CRACR2A: variants seen among roughly 807,000 people sequenced by gnomAD.
The protein encoded by CRACR2A is EF-hand calcium-binding domain-containing protein 4B.
In CRACR2A, 79 loss-of-function variants were observed where a neutral mutation model predicts 90.5. The observed-to-expected ratio is 0.87, with a 90% confidence interval of 0.73 to 1.05. The LOEUF (loss-of-function observed/expected upper bound fraction) is 1.05, where lower values mean the gene tolerates loss of function less well. CRACR2A is among the 50% of genes least tolerant of loss of function. The pLI is 0.00. For missense variants in CRACR2A, 823 were observed against 897.2 expected (o/e 0.92, Z 1.06); for synonymous variants, 338 against 356.7 (o/e 0.95, Z 0.59).
rs911659429 is a variant in CRACR2A at position 3,633,525 on chromosome 12, C to A, written c.1735+79G>T. ...TGGCCCTTCCCATGGGCTTCTAACG[C>A]TCCCTGCCCCGGGCCCCCTTCTCAC... On this transcript the variant is annotated intron_variant, in intron 15 of 19. Transcript: ENST00000440314. The surrounding 1 kb of genome is among the most constrained non-coding windows in gnomAD (Gnocchi z 4.5). 1.1e-4 allele frequency: 163 copies of A among 1,534,220 alleles called. No homozygotes were observed. The highest frequency in any genetic ancestry group is 1.4e-4 in the Non-Finnish European group (156 of 1,135,532).
chr12:3,696,497 G>C (rs1458357972), intron 4 of CRACR2A, among the ~76,000 whole-genome samples: 1 of 148,548 alleles, frequency 6.7e-6, no homozygotes, highest in Non-Finnish European at 1.5e-5. Context: ...TCTTACTTAA[G>C]TCCCTTACGT....
At chr12:3,730,935 T>C (rs1320097804) in intron 2 of CRACR2A, 1 of 152,196 alleles carries the variant, frequency 6.6e-6, no homozygotes, top group Non-Finnish European at 1.5e-5. Context: ...TATTGCTTAT[T>C]TGAAAAATAA....
intron 12 of CRACR2A, among the ~76,000 whole-genome samples, chr12:3,644,071 C>T (rs1944638896): frequency 7.3e-6 from 1 of 137,900 alleles, no homozygotes; most frequent in Non-Finnish European, 1.6e-5. Context: ...TATATATGCA[C>T]ACACTACATA....
At chr12:3,729,979 A>G (rs1331112493) in intron 2 of CRACR2A, 1 of 152,150 alleles carries the variant, frequency 6.6e-6, no homozygotes, top group Non-Finnish European at 1.5e-5. Context: ...AATTACTCAG[A>G]TAGTGCACAA....
At chr12:3,726,210 G>A (rs528082802) in intron 2 of CRACR2A, 6 of 142,980 alleles carry the variant, frequency 4.2e-5, no homozygotes, top group South Asian at 4.5e-4. Context: ...ATATATATAC[G>A]TATATACACA....
rs201302389 is a variant in CRACR2A at position 3,697,458 on chromosome 12, A to AT, written c.-36-424dup. 4.4e-3 allele frequency among the ~76,000 whole-genome samples: 671 copies of AT among 152,280 alleles called. 2 individuals carry two copies. The highest frequency in any genetic ancestry group is 7.4e-3 in the Non-Finnish European group (505 of 68,018). On this transcript the variant is annotated intron_variant, in intron 3 of 19. Coordinates refer to ENST00000440314, the MANE Select transcript of CRACR2A (RefSeq NM_001144958.2). ...ATTCTCACATCTCTCTGACATAGCC[A>AT]TTATCATCTTCATTTTAGCAGTGTG...
At chr12:3,616,667 G>A (rs2137260769) in intron 19 of CRACR2A, among the ~76,000 whole-genome samples, 1 of 152,340 alleles carries the variant, frequency 6.6e-6, no homozygotes, top group South Asian at 2.1e-4. Flanking sequence ...CATTTAAAAA[G>A]AGCATCCCTA....
rs550246793 is a variant in CRACR2A at position 3,723,875 on chromosome 12, C to T, written c.-118+9067G>A. Among the ~76,000 whole-genome samples the T allele has an allele frequency of 2.6e-5, 4 of 152,284 alleles. No homozygotes were observed. In the East Asian group the frequency reaches 7.7e-4, roughly 29 times the overall value. On this transcript the variant is annotated intron_variant, in intron 2 of 19. Coordinates refer to ENST00000440314, the MANE Select transcript of CRACR2A (RefSeq NM_001144958.2). Reference sequence around the variant, plus strand: ...TAGCCACTGACATTACAGTGTCAGTCATATGACGGTGTCCATAGAAGGAAG... The same window carrying T: ...TAGCCACTGACATTACAGTGTCAGTTATATGACGGTGTCCATAGAAGGAAG...
intron 4 of CRACR2A, among the ~76,000 whole-genome samples, chr12:3,686,625 C>T (rs375531088): frequency 4.6e-5 from 7 of 152,238 alleles, no homozygotes; most frequent in East Asian, 1.9e-4. Flanking sequence ...CTCTCTGTAG[C>T]CTTTTCCTCT....
intron 7 of CRACR2A, among the ~76,000 whole-genome samples, chr12:3,659,962 T>C (rs1944998868): frequency 6.6e-6 from 1 of 152,102 alleles, no homozygotes; most frequent in Non-Finnish European, 1.5e-5. Context: ...CCCTGGACCA[T>C]CTCCCTTTAT....
At chr12:3,684,185 C>T (rs1945510538) in intron 4 of CRACR2A, among the ~76,000 whole-genome samples, 1 of 152,196 alleles carries the variant, frequency 6.6e-6, no homozygotes, top group Non-Finnish European at 1.5e-5. Flanking sequence ...CAGAATTACA[C>T]TGTCCCTCCT....
chr12:3,664,917 G>A (rs1405140122), intron 7 of CRACR2A, among the ~76,000 whole-genome samples: 1 of 152,246 alleles, frequency 6.6e-6, no homozygotes, highest in Non-Finnish European at 1.5e-5. Flanking sequence ...TGGAGCAGGA[G>A]AATCACTTGA....
chr12:3,720,452 A>AAGCAAGCAAGCAAGC (rs1946151263), intron 2 of CRACR2A, among the ~76,000 whole-genome samples: 1 of 150,146 alleles, frequency 6.7e-6, no homozygotes, highest in African/African-American at 2.5e-5. Context: ...AGAAAGAAAG[A>AAGCAAGCAAGCAAGC]AAGAAAGAAA....
At chr12:3,749,221 C>A (rs1946669085) in intron 1 of CRACR2A, among the ~76,000 whole-genome samples, 1 of 152,196 alleles carries the variant, frequency 6.6e-6, no homozygotes, top group South Asian at 2.1e-4. Flanking sequence ...TTGCATTGCT[C>A]TTGTGAAGGT....
In CRACR2A at chr12:3,627,682, A is replaced by G. The variant is rs866495358; in HGVS notation, c.1760T>C (p.Leu587Ser). 9 of 1,551,586 alleles carry G rather than the reference A, an allele frequency of 5.8e-6. No individual in the cohort carries two copies. In the African/African-American group the frequency reaches 6.8e-5, roughly 12 times the overall value. The change falls in exon 16 of 20, where the codon TTG (leucine) becomes TCG (serine). Residue 587 changes from leucine (L) to serine (S), a missense_variant. Physicochemically the swap from Leu to Ser is moderately radical, Grantham distance 145. Transcript: ENST00000440314. Reference sequence around the variant, plus strand: ...GGCCACCTGAGAGTTGTCCACATTCAACGTCTTCACACGGTAATCAATGCC... The same window carrying G: ...GGCCACCTGAGAGTTGTCCACATTCGACGTCTTCACACGGTAATCAATGCC... ...TVGIDYRVKTLNVDNSQVALQ... is the reference protein window; with the variant it reads ...TVGIDYRVKTSNVDNSQVALQ...
intron 3 of CRACR2A, among the ~76,000 whole-genome samples, chr12:3,708,632 A>C (rs1234559984): frequency 6.6e-6 from 1 of 152,080 alleles, no homozygotes; most frequent in East Asian, 1.9e-4. Flanking sequence ...TCACCGTGTT[A>C]GCCAGGATGG....
intron 2 of CRACR2A, among the ~76,000 whole-genome samples, chr12:3,720,416 G>GAAGAAAGAAAGTAAGA (rs1946147759): frequency 9.4e-6 from 1 of 106,634 alleles, no homozygotes; most frequent in African/African-American, 3.7e-5. Flanking sequence ...TGAGAGAGAG[G>GAAGAAAGAAAGTAAGA]AAGAAAGAAA....
intron 9 of CRACR2A, 102 bp from the exon 10 acceptor site, chr12:3,654,501 C>T (rs986037181): frequency 2.8e-5 from 32 of 1,155,418 alleles, no homozygotes; most frequent in African/African-American, 6.2e-5. Flanking sequence ...AGGCAGGAAC[C>T]GTCACTGCCA....
At chr12:3,738,128 T>A (rs776179522) in intron 1 of CRACR2A, among the ~76,000 whole-genome samples, 7 of 152,206 alleles carry the variant, frequency 4.6e-5, no homozygotes, top group Non-Finnish European at 5.9e-5. Flanking sequence ...ATCTGATCAG[T>A]TTTCCCTCTC....
Sources: gnomAD v4.1 joint callset for allele counts (sites outside exome capture counted in the v4.1 genomes callset) on GRCh38, gnomAD v4.1.1 for gene constraint, Gnocchi (gnomAD v3.1) non-coding constraint, MANE v1.5 for transcripts, NCBI Gene and HGNC (gene_info 2026-07-23, HGNC 2026-07-21) for gene names.